KRAS: variants seen among roughly 807,000 people sequenced by gnomAD.
The protein encoded by KRAS is GTPase KRas.
In KRAS, 1 loss-of-function variant was observed where a neutral mutation model predicts 21.0. That is an observed-to-expected ratio of 0.05 (90% CI 0.02 to 0.23). KRAS has a LOEUF of 0.23. KRAS is among the 10% of genes least tolerant of loss of function. The pLI is 1.00. For synonymous variants in KRAS, 67 were observed against 72.5 expected, an observed-to-expected ratio of 0.92 and a Z score of 0.39; for missense variants, 107 against 221.8, an observed-to-expected ratio of 0.48 and a Z score of 3.29.
chr12:25,250,334 G>C (rs1159258102), intron 1 of KRAS, among the ~76,000 whole-genome samples: 3 of 152,006 alleles, frequency 2.0e-5, no homozygotes, highest in Non-Finnish European at 4.4e-5. Context: ...CAAGAGGTGC[G>C]GGAGCGGGGA....
chr12:25,244,033 GTTTCCTTATGATTAGTTATCTAATCAA>G (rs1565891201), intron 2 of KRAS, among the ~76,000 whole-genome samples: 1 of 152,084 alleles, frequency 6.6e-6, no homozygotes, highest in Non-Finnish European at 1.5e-5. Context: ...AATATGTGAC[GTTTCCTTATGATTAGTTATCTAATCAA>G]TTCTCCAGGT....
rs368745349 is a variant in KRAS at position 25,220,047 on chromosome 12, G to A, written c.450+5567C>T. 2.9e-4 allele frequency among the ~76,000 whole-genome samples: 44 copies of A among 152,248 alleles called. 1 individual carries two copies. In the South Asian group the frequency reaches 8.3e-3, roughly 29 times the overall value. On this transcript the variant is annotated intron_variant, in intron 4 of 4. Transcript: ENST00000311936. ...CCCAGAGAGCAGAAAAGCCGAATGA[G>A]GAGTAACAGATACCCCGAAAACTCT... is the stretch of plus-strand genomic sequence containing the variant.
At chr12:25,229,695 C>T (rs1184553844) in intron 2 of KRAS, among the ~76,000 whole-genome samples, 1 of 151,292 alleles carries the variant, frequency 6.6e-6, no homozygotes, top group Non-Finnish European at 1.5e-5. Context: ...GCAGGGCTAA[C>T]AACAGGTATA....
At chr12:25,249,088 T>C (rs1951727547) in intron 1 of KRAS, among the ~76,000 whole-genome samples, 1 of 150,692 alleles carries the variant, frequency 6.6e-6, no homozygotes, top group South Asian at 2.1e-4. Context: ...AGAAAACCTG[T>C]CTGTTTTGAT....
chr12:25,244,140 C>A, intron 2 of KRAS, among the ~76,000 whole-genome samples: 1 of 152,210 alleles, frequency 6.6e-6, no homozygotes, highest in Middle Eastern at 3.2e-3. Context: ...CAAAGTGTCT[C>A]TTCAAGACAC....
At chr12:25,215,165 G>C (rs1261759932) in intron 4 of KRAS, 1 of 522,734 alleles carries the variant, frequency 1.9e-6, no homozygotes, top group Non-Finnish European at 2.4e-6. Context: ...GTAAATATCA[G>C]TTTCCAAATA....
chr12:25,225,453 A>T (rs1951380327), intron 4 of KRAS, 161 bp downstream of exon 4: 1 of 695,130 alleles, frequency 1.4e-6, no homozygotes, highest in Non-Finnish European at 2.4e-6. Context: ...TACCATGGAC[A>T]CTGGATTAAG....
At chr12:25,249,849 C>T (rs1489074776) in intron 1 of KRAS, among the ~76,000 whole-genome samples, 2 of 152,110 alleles carry the variant, frequency 1.3e-5, no homozygotes, top group African/African-American at 2.4e-5. Flanking sequence ...TTTGCTATTG[C>T]TGTCTACACT....
intron 4 of KRAS, among the ~76,000 whole-genome samples, chr12:25,221,615 A>AAATG (rs1218213242): frequency 6.6e-6 from 1 of 152,174 alleles, no homozygotes; most frequent in African/African-American, 2.4e-5. Context: ...AATGCAACAG[A>AAATG]TACCACTTGT....
intron 4 of KRAS, among the ~76,000 whole-genome samples, chr12:25,223,737 C>T (rs1472408546): frequency 6.6e-6 from 1 of 152,076 alleles, no homozygotes; most frequent in African/African-American, 2.4e-5. Flanking sequence ...CATTTTTGCA[C>T]CTTTATGAAA....
intron 4 of KRAS, among the ~76,000 whole-genome samples, chr12:25,218,681 T>G (rs1434431851): frequency 1.3e-5 from 2 of 152,230 alleles, no homozygotes; most frequent in Non-Finnish European, 2.9e-5. Context: ...ATTATCCTTG[T>G]GTACACTGTA....
At chr12:25,237,507 G>A (rs141309338) in intron 2 of KRAS, among the ~76,000 whole-genome samples, 105 of 152,260 alleles carry the variant, frequency 6.9e-4, no homozygotes, top group South Asian at 3.3e-3. Context: ...GGTTGTCCTG[G>A]TGGATATGAC....
At chr12:25,234,128 TTTTAAATTACAATATATA>T in intron 2 of KRAS, 1 of 172,234 alleles carries the variant, frequency 5.8e-6, no homozygotes, top group East Asian at 1.1e-4. Context: ...AGCTGTTAAT[TTTTAAATTACAATATATA>T]TTAAGAATAA....
chr12:25,220,741 G>C (rs1438486153), intron 4 of KRAS, among the ~76,000 whole-genome samples: 1 of 140,740 alleles, frequency 7.1e-6, no homozygotes, highest in Non-Finnish European at 1.5e-5. Flanking sequence ...AAAAATACTA[G>C]AGACCAGGCA....
chr12:25,205,523 A>ATAGTT lies in KRAS; in HGVS notation c.*4267_*4271dup. 4.6e-6 allele frequency: 1 copy of ATAGTT among 215,590 alleles called. No individual in the cohort carries two copies. The highest frequency in any genetic ancestry group is 1.4e-3 in the Middle Eastern group (1 of 694). 13.4% of individuals were successfully genotyped at this position (215,590 alleles called of 1,614,324 possible). ...ATGTTTCAGTTTACACTATACAAAA[A>ATAGTT]TAGTTAAAATACATTCCAGGTAAAC... On this transcript the variant is annotated 3_prime_UTR_variant, in exon 5 of 5. Transcript: ENST00000311936.
intron 4 of KRAS, chr12:25,215,342 T>C: frequency 6.5e-7 from 1 of 1,527,522 alleles, no homozygotes; most frequent in Non-Finnish European, 9.0e-7. Context: ...CAAGTTAGAA[T>C]ACTACACCTA....
intron 2 of KRAS, among the ~76,000 whole-genome samples, chr12:25,228,975 C>T (rs1284089181): frequency 6.6e-6 from 1 of 152,190 alleles, no homozygotes; most frequent in East Asian, 1.9e-4. Context: ...AGGGGAATTG[C>T]TTGAACCCGG....
Position 25,227,302 on chromosome 12 carries a change from A to G in KRAS, c.222T>C (p.Thr74=), listed in dbSNP as rs745580373. ...YSAMRDQYMR[T]GEGFLCVFAI... is the part of the protein sequence containing the mutation. ...CAAATACACAAAGAAAGCCCTCCCC[A>G]GTCCTCATGTACTGGTCCCTCATTG... The change falls in exon 3 of 5, where the codon ACT becomes ACC. Residue 74 remains threonine (T), a synonymous_variant. Coordinates refer to ENST00000311936, the MANE Select transcript of KRAS (RefSeq NM_004985.5). 8.1e-6 allele frequency: 13 copies of G among 1,613,852 alleles called. No individual in the cohort carries two copies. In the South Asian group the frequency reaches 1.4e-4, roughly 18 times the overall value.
intron 1 of KRAS, among the ~76,000 whole-genome samples, chr12:25,247,762 T>C (rs1459328997): frequency 2.0e-5 from 3 of 152,236 alleles, no homozygotes; most frequent in Non-Finnish European, 4.4e-5. Context: ...GTGATCATAA[T>C]AGATTGAATG....
Sources: allele counts gnomAD v4.1 joint callset (sites outside exome capture counted in the v4.1 genomes callset), GRCh38; gene constraint gnomAD v4.1.1; transcripts MANE v1.5; gene names NCBI Gene and HGNC (gene_info 2026-07-23, HGNC 2026-07-21).